Variants in TRAPPC3L observed in about 807,000 individuals in gnomAD.
TRAPPC3L encodes the protein trafficking protein particle complex subunit 3-like protein.
In TRAPPC3L, 23 loss-of-function variants were observed where a neutral mutation model predicts 23.7. The observed-to-expected ratio is 0.97, with a 90% confidence interval of 0.70 to 1.37. The LOEUF is 1.37. TRAPPC3L is among the 40% of genes most tolerant of loss of function. The probability of loss-of-function intolerance (pLI) is 0.00; values close to 1 mark genes in which losing one functional copy is unlikely to be tolerated. For missense variants in TRAPPC3L, 212 were observed against 216.8 expected (o/e 0.98, Z 0.14); for synonymous variants, 81 against 77.9 (o/e 1.04, Z -0.21).
At chr6:116,523,622 C>G (rs1772386344) in intron 3 of TRAPPC3L, 1 of 152,196 alleles carries the variant, frequency 6.6e-6, no homozygotes, top group African/African-American at 2.4e-5. Context: ...AGCCACTCAT[C>G]TATATTAGCA....
intron 4 of TRAPPC3L, among the ~76,000 whole-genome samples, chr6:116,499,625 G>T (rs945329108): frequency 6.6e-6 from 1 of 152,118 alleles, no homozygotes; most frequent in African/African-American, 2.4e-5. Flanking sequence ...CAAGTTCTTT[G>T]TTCCTTGAGT....
intron 3 of TRAPPC3L, among the ~76,000 whole-genome samples, chr6:116,531,300 G>A (rs1772708249): frequency 6.6e-6 from 1 of 152,068 alleles, no homozygotes; most frequent in African/African-American, 2.4e-5. Context: ...GAATGCAAAT[G>A]ACACCCAGAG....
At chr6:116,501,386 C>G (rs760337694) in intron 3 of TRAPPC3L, among the ~76,000 whole-genome samples, 5 of 152,178 alleles carry the variant, frequency 3.3e-5, no homozygotes, top group African/African-American at 1.2e-4. Flanking sequence ...TGGAGCCCAC[C>G]GCAGCACAGC....
chr6:116,513,540 C>A (rs1333604801), intron 3 of TRAPPC3L, among the ~76,000 whole-genome samples: 2 of 152,166 alleles, frequency 1.3e-5, no homozygotes, highest in African/African-American at 2.4e-5. Flanking sequence ...GGAAATCTTG[C>A]ACATCATGTC....
At chr6:116,506,707 A>T (rs1029188965) in intron 3 of TRAPPC3L, among the ~76,000 whole-genome samples, 1 of 152,178 alleles carries the variant, frequency 6.6e-6, no homozygotes, top group Non-Finnish European at 1.5e-5. Flanking sequence ...AGTTCATGTC[A>T]TTTGCAGGGA....
intron 3 of TRAPPC3L, chr6:116,522,684 CATT>C (rs1772366889): frequency 6.6e-6 from 1 of 152,112 alleles, no homozygotes; most frequent in Non-Finnish European, 1.5e-5. Flanking sequence ...TATTATTTGT[CATT>C]AATATCTACG....
intron 3 of TRAPPC3L, chr6:116,515,975 G>T: frequency 6.3e-7 from 1 of 1,596,870 alleles, no homozygotes; most frequent in Non-Finnish European, 8.6e-7. Context: ...TGTGGGTACT[G>T]CCCACAATAT....
intron 3 of TRAPPC3L, chr6:116,517,363 T>G (rs1292786206): frequency 2.6e-5 from 4 of 152,190 alleles, no homozygotes; most frequent in African/African-American, 9.7e-5. Context: ...CATTCTACAA[T>G]GTACTATATC....
At chr6:116,501,581 C>T (rs1196827357) in intron 3 of TRAPPC3L, among the ~76,000 whole-genome samples, 1 of 152,192 alleles carries the variant, frequency 6.6e-6, no homozygotes, top group Non-Finnish European at 1.5e-5. Context: ...TCCATGACCC[C>T]CATGTAGCCT....
intron 3 of TRAPPC3L, among the ~76,000 whole-genome samples, chr6:116,514,698 T>C (rs1772188025): frequency 6.6e-6 from 1 of 152,198 alleles, no homozygotes; most frequent in Non-Finnish European, 1.5e-5. Context: ...ACACTCTATA[T>C]CTGAGTCAAA....
At chr6:116,528,331 T>C (rs895525800) in intron 3 of TRAPPC3L, among the ~76,000 whole-genome samples, 23 of 152,322 alleles carry the variant, frequency 1.5e-4, no homozygotes, top group African/African-American at 4.1e-4. Context: ...TGTACACATA[T>C]GCTTTTCCAC....
At chr6:116,540,797 C>T (rs556993270) in intron 2 of TRAPPC3L, among the ~76,000 whole-genome samples, 19 of 152,152 alleles carry the variant, frequency 1.2e-4, no homozygotes, top group Non-Finnish European at 1.9e-4. Context: ...ATTTTCTCAT[C>T]ATTAGCTATT....
intron 3 of TRAPPC3L, chr6:116,515,864 C>T: frequency 6.2e-7 from 1 of 1,613,968 alleles, no homozygotes. Context: ...TTCAGAGCTG[C>T]ATTCTTTCCA....
At chr6:116,507,947 ATAACT>A in intron 3 of TRAPPC3L, among the ~76,000 whole-genome samples, 1 of 152,334 alleles carries the variant, frequency 6.6e-6, no homozygotes, top group Middle Eastern at 3.4e-3. Flanking sequence ...AGACCATGCT[ATAACT>A]TAATTCCTTG....
chr6:116,517,967 G>T (rs1052668128), intron 3 of TRAPPC3L: 9 of 152,252 alleles, frequency 5.9e-5, no homozygotes, highest in African/African-American at 2.2e-4. Context: ...ATGAGGAGTG[G>T]TGAGCCCAAA....
At position 116,514,912 on chromosome 6, in the gene TRAPPC3L, G is replaced by C. The variant is rs556842538; in HGVS notation, c.241-14246C>G. Among the ~76,000 whole-genome samples, 145 of 152,266 alleles carry C rather than the reference G, an allele frequency of 9.5e-4. 3 individuals are homozygous for C. In the South Asian group the frequency reaches 0.029, roughly 31 times the overall value. On this transcript the variant is annotated intron_variant, in intron 3 of 4. Transcript: ENST00000368602. ...AATTTCAATTGTGAAAACAGAGTTAGAGCCAAAAAAGTTAGAAGATAATTT... is the reference window on the plus strand; with the variant it reads ...AATTTCAATTGTGAAAACAGAGTTACAGCCAAAAAAGTTAGAAGATAATTT...
rs548822233 is a variant in TRAPPC3L at position 116,509,574 on chromosome 6, G to A, written c.241-8908C>T. On this transcript the variant is annotated intron_variant, in intron 3 of 4. Coordinates refer to ENST00000368602, the MANE Select transcript of TRAPPC3L (RefSeq NM_001139444.3). ...AAAGCATACAAAAACATAAACTGGG[G>A]AAAGGACACTGTATCCATTAAAAGG... Among the ~76,000 whole-genome samples, 8 of 152,154 alleles carry A rather than the reference G, an allele frequency of 5.3e-5. No homozygotes were observed. In the South Asian group the frequency reaches 1.7e-3, roughly 32 times the overall value.
intron 3 of TRAPPC3L, among the ~76,000 whole-genome samples, chr6:116,504,362 C>G (rs1771969350): frequency 6.6e-6 from 1 of 152,176 alleles, no homozygotes; most frequent in African/African-American, 2.4e-5. Context: ...AGACTAATAA[C>G]AGGTTCTGAA....
At chr6:116,516,013 G>A in intron 3 of TRAPPC3L, 1 of 1,554,470 alleles carries the variant, frequency 6.4e-7, no homozygotes, top group Non-Finnish European at 8.7e-7. Context: ...AATGACTCAT[G>A]GTGTTGAGTG....
Sources: gnomAD v4.1 joint callset for allele counts (sites outside exome capture counted in the v4.1 genomes callset) on GRCh38, gnomAD v4.1.1 for gene constraint, MANE v1.5 for transcripts, NCBI Gene and HGNC (gene_info 2026-07-23, HGNC 2026-07-21) for gene names.